The following FOXN3 variants were observed in gnomAD, a reference collection of about 807,000 sequenced individuals.
FOXN3 encodes forkhead box protein N3.
In FOXN3, 7 loss-of-function variants were observed where a neutral mutation model predicts 38.4. The ratio of observed to expected loss-of-function variants is 0.18; its 90% CI spans 0.10 to 0.34. The LOEUF is 0.34. Among genes scored for constraint, FOXN3 ranks in the 10% least tolerant of loss-of-function variants. The probability of loss-of-function intolerance (pLI) is 1.00; values close to 1 mark genes in which losing one functional copy is unlikely to be tolerated. For synonymous variants in FOXN3, 230 were observed against 242.2 expected, an observed-to-expected ratio of 0.95 and a Z score of 0.47; for missense variants, 456 against 613.4, an observed-to-expected ratio of 0.74 and a Z score of 2.71.
intron 4 of FOXN3, among the ~76,000 whole-genome samples, chr14:89,254,439 G>A (rs1885555196): frequency 6.6e-6 from 1 of 152,170 alleles, no homozygotes. Flanking sequence ...AAAGGAGCGA[G>A]TGGTCAGAAC....
At chr14:89,496,156 T>G (rs1251671952) in intron 1 of FOXN3, among the ~76,000 whole-genome samples, 1 of 152,076 alleles carries the variant, frequency 6.6e-6, no homozygotes, top group Non-Finnish European at 1.5e-5. Flanking sequence ...GAGGTTGCAG[T>G]GAGCTGAGAT....
At chr14:89,214,593 C>T (rs1308705977) in intron 4 of FOXN3, among the ~76,000 whole-genome samples, 1 of 152,166 alleles carries the variant, frequency 6.6e-6, no homozygotes, top group African/African-American at 2.4e-5. Context: ...CAATTACGGC[C>T]GTGAAAAGAG....
intron 2 of FOXN3, among the ~76,000 whole-genome samples, chr14:89,411,438 T>C (rs11626237): frequency 0.16 from 23,689 of 152,164 alleles, 2,170 homozygotes; most frequent in South Asian, 0.3. Context: ...TATACTCAAG[T>C]CTCTTCTCAA....
chr14:89,396,493 G>A (rs1018166810), intron 2 of FOXN3, among the ~76,000 whole-genome samples: 8 of 152,284 alleles, frequency 5.3e-5, no homozygotes, highest in African/African-American at 1.9e-4. Context: ...AGTATGATGG[G>A]GACCACATCA....
At chr14:89,312,990 C>CT (rs2139962113) in intron 3 of FOXN3, among the ~76,000 whole-genome samples, 1 of 152,312 alleles carries the variant, frequency 6.6e-6, no homozygotes, top group East Asian at 1.9e-4. Context: ...TACAAAAGCC[C>CT]TGTCGCTTTG....
chr14:89,250,029 A>G (rs1885409515), intron 4 of FOXN3, among the ~76,000 whole-genome samples: 1 of 152,216 alleles, frequency 6.6e-6, no homozygotes, highest in Non-Finnish European at 1.5e-5. Context: ...TGCAAAGTCT[A>G]TTAGACTTAC....
chr14:89,247,426 A>G (rs551973920), intron 4 of FOXN3, among the ~76,000 whole-genome samples: 98 of 152,328 alleles, frequency 6.4e-4, no homozygotes, highest in Admixed American at 1.2e-3. Flanking sequence ...AAGTATTAGT[A>G]GATTTTAAAC....
intron 4 of FOXN3, among the ~76,000 whole-genome samples, chr14:89,191,098 C>T (rs1321184829): frequency 1.3e-5 from 2 of 152,162 alleles, no homozygotes; most frequent in South Asian, 4.1e-4. Context: ...AAATACTCAT[C>T]ACTCCATTGC....
intron 4 of FOXN3, among the ~76,000 whole-genome samples, chr14:89,181,592 C>T (rs1566922923): frequency 6.6e-6 from 1 of 152,208 alleles, no homozygotes; most frequent in East Asian, 1.9e-4. Context: ...CCCACCTTCT[C>T]CTAAACACAC....
chr14:89,500,313 T>C (rs143420681), intron 1 of FOXN3, among the ~76,000 whole-genome samples: 1 of 152,318 alleles, frequency 6.6e-6, no homozygotes, highest in African/African-American at 2.4e-5. Flanking sequence ...GAGGCTCCTG[T>C]GATCTTTGCA....
intron 4 of FOXN3, among the ~76,000 whole-genome samples, chr14:89,253,154 C>T (rs1404492948): frequency 6.6e-6 from 1 of 152,156 alleles, no homozygotes; most frequent in Admixed American, 6.5e-5. Context: ...TGTCAGGGCT[C>T]ATTAAGGCCT....
intron 3 of FOXN3, chr14:89,284,556 G>C (rs1886558735): frequency 2.2e-6 from 1 of 455,886 alleles, no homozygotes; most frequent in Non-Finnish European, 4.4e-6. Context: ...TATTTTGCTA[G>C]GACTCTCTCC....
At chr14:89,369,965 A>T (rs1244751662) in intron 2 of FOXN3, among the ~76,000 whole-genome samples, 1 of 152,278 alleles carries the variant, frequency 6.6e-6, no homozygotes, top group Non-Finnish European at 1.5e-5. Flanking sequence ...GCTGCAACAA[A>T]AACTGTATCA....
At chr14:89,212,434 G>A (rs1024745746) in intron 4 of FOXN3, among the ~76,000 whole-genome samples, 2 of 152,202 alleles carry the variant, frequency 1.3e-5, no homozygotes, top group Non-Finnish European at 2.9e-5. Context: ...CTTTGGCTGT[G>A]TGAGTGGCCT....
intron 4 of FOXN3, among the ~76,000 whole-genome samples, chr14:89,213,242 C>T (rs1884157018): frequency 6.6e-6 from 1 of 152,150 alleles, no homozygotes; most frequent in Non-Finnish European, 1.5e-5. Flanking sequence ...CACCAAGGGC[C>T]TCATAAGAAA....
chr14:89,331,429 A>C (rs1337375538), intron 3 of FOXN3, among the ~76,000 whole-genome samples: 4 of 152,198 alleles, frequency 2.6e-5, no homozygotes, highest in Non-Finnish European at 5.9e-5. Flanking sequence ...TGTACAAGAC[A>C]CGTTTTGTTC....
intron 1 of FOXN3, among the ~76,000 whole-genome samples, chr14:89,496,113 T>G (rs1214788034): frequency 6.6e-6 from 1 of 152,102 alleles, no homozygotes; most frequent in Non-Finnish European, 1.5e-5. Context: ...CTCGGGAGGC[T>G]GAGGCAGGCG....
chr14:89,411,422 C>A (rs56161493), intron 2 of FOXN3, among the ~76,000 whole-genome samples: 6 of 152,166 alleles, frequency 3.9e-5, no homozygotes, highest in Admixed American at 3.3e-4. Context: ...AGTCTGCGAG[C>A]GTAAGTATAC....
chr14:89,390,207 CAG>C (rs909698320), intron 2 of FOXN3, among the ~76,000 whole-genome samples: 1 of 146,878 alleles, frequency 6.8e-6, no homozygotes, highest in Non-Finnish European at 1.5e-5. Flanking sequence ...GCTAAAATGA[CAG>C]AGTGAGACTC....
Sources: allele counts gnomAD v4.1 joint callset (sites outside exome capture counted in the v4.1 genomes callset), GRCh38; gene constraint gnomAD v4.1.1; transcripts MANE v1.5; gene names NCBI Gene and HGNC (gene_info 2026-07-23, HGNC 2026-07-21).